Variants in ANKRD45 observed in about 807,000 individuals in gnomAD.
The protein encoded by ANKRD45 is ankyrin repeat domain 45, also known as ankyrin repeat domain-containing protein 45.
ANKRD45 carries 21 observed loss-of-function variants against 28.1 expected under a neutral mutation model. The observed-to-expected ratio is 0.75, with a 90% CI of 0.53 to 1.08. The LOEUF (loss-of-function observed/expected upper bound fraction) is 1.08. ANKRD45 is among the 50% of genes least tolerant of loss of function. ANKRD45 has a pLI of 0.00. For synonymous variants in ANKRD45, 86 were observed against 103.9 expected, an observed-to-expected ratio of 0.83 and a Z score of 1.05; for missense variants, 261 against 308.7, an observed-to-expected ratio of 0.85 and a Z score of 1.16.
In ANKRD45 at chr1:173,608,689, G is replaced by GT. The variant is rs1342469935; in HGVS notation, c.*1455dup. On this transcript the variant is annotated 3_prime_UTR_variant, in exon 6 of 6. Transcript: ENST00000333279. ...TTGAGTGCAGGAGTTACAGGTTACA[G>GT]TGAGCTATGATCATGATAACTCCAC... Among the ~76,000 whole-genome samples the GT allele has an allele frequency of 6.6e-6, 1 of 150,964 alleles. No homozygotes were observed. Among genetic ancestry groups the GT allele is most frequent in the Non-Finnish European group, 1.5e-5 (1 of 67,894 alleles).
chr1:173,691,124 C>T, the ANKRD45 span, among the ~76,000 whole-genome samples: 1 of 152,224 alleles, frequency 6.6e-6, no homozygotes, highest in African/African-American at 2.4e-5. Flanking sequence ...TTGGTCCTGA[C>T]CACCAGGGAA....
intron 2 of ANKRD45, among the ~76,000 whole-genome samples, chr1:173,647,615 AT>A (rs1267813683): frequency 6.6e-6 from 1 of 152,158 alleles, no homozygotes; most frequent in African/African-American, 2.4e-5. Context: ...TTTCAGATTG[AT>A]TTTTTAAAAA....
At chr1:173,646,550 A>C (rs966545605) in intron 3 of ANKRD45, among the ~76,000 whole-genome samples, 6 of 152,218 alleles carry the variant, frequency 3.9e-5, no homozygotes, top group African/African-American at 1.4e-4. Context: ...CCTTGAACAT[A>C]CATATTGAAC....
chr1:173,644,361 TTAAA>T (rs1391987441), intron 3 of ANKRD45, among the ~76,000 whole-genome samples: 1 of 152,212 alleles, frequency 6.6e-6, no homozygotes, highest in Admixed American at 6.5e-5. Flanking sequence ...TAAGGCTGAA[TTAAA>T]TAAATGTTAA....
chr1:173,690,483 G>A, the ANKRD45 span, among the ~76,000 whole-genome samples: 2 of 152,216 alleles, frequency 1.3e-5, no homozygotes, highest in East Asian at 3.9e-4. Context: ...GGAAAAAGGA[G>A]GGCAGGTCCT....
chr1:173,622,051 T>C (rs1000780777), intron 5 of ANKRD45, among the ~76,000 whole-genome samples: 2 of 152,032 alleles, frequency 1.3e-5, no homozygotes, highest in Admixed American at 6.5e-5. Context: ...TGAAATCCAC[T>C]TCACAATTGC....
chr1:173,699,175 A>T, the ANKRD45 span, among the ~76,000 whole-genome samples: 1 of 152,186 alleles, frequency 6.6e-6, no homozygotes, highest in Admixed American at 6.5e-5. Context: ...TTGTGGCAAT[A>T]ATTAATAGCC....
At chr1:173,700,519 A>G in the ANKRD45 span, among the ~76,000 whole-genome samples, 7 of 152,038 alleles carry the variant, frequency 4.6e-5, no homozygotes, top group East Asian at 1.3e-3. Flanking sequence ...ATAATGCCAC[A>G]TATCTACAAC....
At position 173,646,873 on chromosome 1, in the gene ANKRD45, C is replaced by A; in HGVS notation, c.469G>T (p.Glu157Ter). 1.2e-6 allele frequency: 2 copies of A among 1,614,138 alleles called. No individual in the cohort carries two copies. Among genetic ancestry groups the A allele is most frequent in the Non-Finnish European group, 1.7e-6 (2 of 1,180,002 alleles). ...GCCCAGTCCAGGAATTCAACACACTCAGTCTGAGAATATCTAGCAGCAACA... is the reference window on the plus strand; with the variant it reads ...GCCCAGTCCAGGAATTCAACACACTAAGTCTGAGAATATCTAGCAGCAACA... ...RDVAARYSQTECVEFLDWADA... is the reference protein window; with the variant it reads ...RDVAARYSQT Residue 157 changes from glutamate (E) to a stop codon, truncating the protein, a stop_gained, in exon 3 of 6, where the codon GAG (glutamate) becomes TAG (stop). Transcript: ENST00000333279. LOFTEE classifies it high-confidence loss of function.
At chr1:173,706,473 G>A in the ANKRD45 span, among the ~76,000 whole-genome samples, 1 of 151,632 alleles carries the variant, frequency 6.6e-6, no homozygotes, top group Admixed American at 6.6e-5. Context: ...CAAGTAGCTG[G>A]GATTACAGGT....
At chr1:173,696,289 C>T in the ANKRD45 span, among the ~76,000 whole-genome samples, 1 of 152,110 alleles carries the variant, frequency 6.6e-6, no homozygotes, top group Non-Finnish European at 1.5e-5. Flanking sequence ...CTGATAGGTC[C>T]CACATGTCAA....
chr1:173,697,732 C>T, the ANKRD45 span, among the ~76,000 whole-genome samples: 5 of 152,162 alleles, frequency 3.3e-5, no homozygotes, highest in African/African-American at 9.7e-5. Context: ...TAAAGACCAT[C>T]GATGCTAGGA....
chr1:173,662,430 C>T (rs1669818628), intron 1 of ANKRD45, among the ~76,000 whole-genome samples: 1 of 152,276 alleles, frequency 6.6e-6, no homozygotes, highest in East Asian at 1.9e-4. Flanking sequence ...GTTAGGAATT[C>T]TTTGGCTGTA....
chr1:173,688,315 T>C, the ANKRD45 span, among the ~76,000 whole-genome samples: 2 of 150,114 alleles, frequency 1.3e-5, no homozygotes, highest in African/African-American at 2.5e-5. Flanking sequence ...TTTCTGTCTC[T>C]CTTTCTCTCT....
chr1:173,706,681 G>C, the ANKRD45 span, among the ~76,000 whole-genome samples: 6 of 152,062 alleles, frequency 3.9e-5, no homozygotes, highest in Admixed American at 2.0e-4. Flanking sequence ...TCATTATGTA[G>C]ATATCCCATT....
intron 5 of ANKRD45, among the ~76,000 whole-genome samples, chr1:173,620,740 T>TA (rs1026688459): frequency 1.8e-3 from 237 of 132,752 alleles, no homozygotes; most frequent in African/African-American, 3.4e-3. Flanking sequence ...ACTTAAAGTA[T>TA]AAAAAAAAAA....
At chr1:173,652,149 A>T (rs984642780) in intron 2 of ANKRD45, among the ~76,000 whole-genome samples, 12 of 152,032 alleles carry the variant, frequency 7.9e-5, no homozygotes, top group Non-Finnish European at 1.6e-4. Flanking sequence ...AGGAGTGGTG[A>T]GAGAGGGCAT....
intron 3 of ANKRD45, chr1:173,635,873 T>A: frequency 6.9e-7 from 1 of 1,440,784 alleles, no homozygotes; most frequent in Non-Finnish European, 9.3e-7. Context: ...GTAGTAATAG[T>A]TACAAAATCT....
chr1:173,651,276 G>A (rs1393343354), intron 2 of ANKRD45, among the ~76,000 whole-genome samples: 1 of 152,172 alleles, frequency 6.6e-6, no homozygotes, highest in East Asian at 1.9e-4. Flanking sequence ...AGCATAAGGT[G>A]TAAGGAAGGG....
Sources: allele counts gnomAD v4.1 joint callset (sites outside exome capture counted in the v4.1 genomes callset), GRCh38; gene constraint gnomAD v4.1.1; transcripts MANE v1.5; gene names NCBI Gene and HGNC (gene_info 2026-07-23, HGNC 2026-07-21).